HS3ST5: variants seen among roughly 807,000 people sequenced by gnomAD.
HS3ST5 encodes heparan sulfate glucosamine 3-O-sulfotransferase 5.
A neutral mutation model predicts 25.4 loss-of-function variants in HS3ST5; 10 were observed. The ratio of observed to expected loss-of-function variants is 0.39; its 90% CI spans 0.24 to 0.67. The LOEUF is 0.67. HS3ST5 is among the 30% of genes least tolerant of loss of function. The probability of loss-of-function intolerance (pLI) is 0.44; values close to 1 mark genes in which losing one functional copy is unlikely to be tolerated. For missense variants in HS3ST5, 324 were observed against 420.7 expected (o/e 0.77, Z 2.01); for synonymous variants, 170 against 162.4 (o/e 1.05, Z -0.36).
chr6:114,245,544 G>C (rs1161760702), intron 1 of HS3ST5, among the ~76,000 whole-genome samples: 1 of 152,096 alleles, frequency 6.6e-6, no homozygotes, highest in Non-Finnish European at 1.5e-5. Context: ...CCAAGCAGAA[G>C]TGGTTTGGGG....
chr6:114,152,033 C>A (rs1022832986), intron 3 of HS3ST5, among the ~76,000 whole-genome samples: 1 of 152,154 alleles, frequency 6.6e-6, no homozygotes, highest in South Asian at 2.1e-4. Context: ...CGGCTTCAAG[C>A]GATTCTTTTG....
intron 2 of HS3ST5, among the ~76,000 whole-genome samples, chr6:114,187,876 C>T (rs898113439): frequency 6.6e-6 from 1 of 152,110 alleles, no homozygotes; most frequent in Non-Finnish European, 1.5e-5. Context: ...GACCAGTCAG[C>T]CATCATCAAC....
rs749310346 is a variant in HS3ST5, at chr6:114,062,896, T to G, written c.-32-19A>C. On this transcript the variant is annotated intron_variant, in intron 3 of 4. Transcript: ENST00000312719. ...CTGCAGCCTGCGATAGAAGGACTCA[T>G]CAGCAGCCATCTCTTAGAGGCTCTG... The G allele has an allele frequency of 7.1e-7, 1 of 1,403,244 alleles. No homozygotes were observed. The highest frequency in any genetic ancestry group is 1.0e-6 in the Non-Finnish European group (1 of 990,816). The allele number at this position is 1,403,244 out of a possible 1,614,324, so 86.9% of individuals were successfully genotyped here.
Position 114,317,928 on chromosome 6 carries a change from T to C in HS3ST5, c.-339+24267A>G, listed in dbSNP as rs1775807997. On this transcript the variant is annotated intron_variant, in intron 1 of 4. Transcript: ENST00000312719. ...CACATCAACAAGAGAAAATGGGATG[T>C]CCTCCTTAACATCACTGTTAATTCA... 5.9e-5 allele frequency among the ~76,000 whole-genome samples: 9 copies of C among 152,190 alleles called. No homozygotes were observed. The South Asian group carries it at 1.5e-3, about 25-fold the overall frequency.
intron 2 of HS3ST5, among the ~76,000 whole-genome samples, chr6:114,217,716 A>G (rs1781837368): frequency 6.6e-6 from 1 of 152,218 alleles, no homozygotes; most frequent in African/African-American, 2.4e-5. Flanking sequence ...AGACTTAGCA[A>G]ACTGAAGGTG....
chr6:114,304,086 C>T lies in HS3ST5; in HGVS notation c.-339+38109G>A, dbSNP rs6910335. 3.0e-3 allele frequency among the ~76,000 whole-genome samples: 462 copies of T among 152,050 alleles called. 1 individual carries two copies. The highest frequency in any genetic ancestry group is 0.011 in the African/African-American group (442 of 41,470). On this transcript the variant is annotated intron_variant, in intron 1 of 4. Transcript: ENST00000312719. ...GATACAAATGTCTCTGGGAGAAATA[C>T]AAGATGTCAGAAGTATTTCTGACTG...
At position 114,250,147 on chromosome 6, in the gene HS3ST5, A is replaced by G. The variant is rs79076799; in HGVS notation, c.-338-21369T>C. 3.0e-3 allele frequency among the ~76,000 whole-genome samples: 464 copies of G among 152,306 alleles called. 11 individuals carry two copies. In the East Asian group the frequency reaches 0.057, roughly 19 times the overall value. ...TAGAGGGATTAAAAATTTTTTATAA[A>G]CCAATTATCCCATGATGGTGAAATG... On this transcript the variant is annotated intron_variant, in intron 1 of 4. Transcript: ENST00000312719.
chr6:114,106,171 G>A (rs549986849), intron 3 of HS3ST5, among the ~76,000 whole-genome samples: 2 of 152,042 alleles, frequency 1.3e-5, no homozygotes, highest in African/African-American at 4.8e-5. Flanking sequence ...AAGTTTTCAA[G>A]ATAATGAGAT....
chr6:114,080,489 G>A (rs1223806692), intron 3 of HS3ST5, among the ~76,000 whole-genome samples: 1 of 152,194 alleles, frequency 6.6e-6, no homozygotes, highest in Non-Finnish European at 1.5e-5. Flanking sequence ...GTACTCACAT[G>A]TTTATTGCAG....
chr6:114,102,053 G>C lies in HS3ST5; in HGVS notation c.-32-39176C>G, dbSNP rs544018907. ...AAGAGACACTGGGGCCTACTTGAGG[G>C]TGAAGGATGGGAGAAGGGTGAGGAT... On this transcript the variant is annotated intron_variant, in intron 3 of 4. Transcript: ENST00000312719. Among the ~76,000 whole-genome samples the C allele has an allele frequency of 1.1e-4, 17 of 152,254 alleles. No individual in the cohort carries two copies. In the South Asian group the frequency reaches 3.1e-3, roughly 28 times the overall value.
intron 1 of HS3ST5, among the ~76,000 whole-genome samples, chr6:114,255,460 G>A (rs1244182826): frequency 6.6e-6 from 1 of 152,154 alleles, no homozygotes; most frequent in African/African-American, 2.4e-5. Context: ...CTGGGGTCTG[G>A]AGGATGGTGG....
chr6:114,112,924 T>G (rs907019321), intron 3 of HS3ST5, among the ~76,000 whole-genome samples: 13 of 152,232 alleles, frequency 8.5e-5, no homozygotes, highest in African/African-American at 3.1e-4. Context: ...GTAGATGAAC[T>G]GTCCATGAGC....
intron 2 of HS3ST5, among the ~76,000 whole-genome samples, chr6:114,194,647 C>T (rs942346601): frequency 6.6e-6 from 1 of 152,108 alleles, no homozygotes; most frequent in Non-Finnish European, 1.5e-5. Context: ...TGAGGGTTTT[C>T]GTGTCCCCTG....
intron 3 of HS3ST5, among the ~76,000 whole-genome samples, chr6:114,129,663 G>A (rs1582632782): frequency 6.6e-6 from 1 of 152,248 alleles, no homozygotes; most frequent in Non-Finnish European, 1.5e-5. Flanking sequence ...TCTCTGGGGT[G>A]GAGAGAAGAG....
chr6:114,182,161 A>G (rs551925830), intron 2 of HS3ST5, among the ~76,000 whole-genome samples: 11 of 152,288 alleles, frequency 7.2e-5, no homozygotes, highest in Admixed American at 7.2e-4. Flanking sequence ...TATTACTGTT[A>G]GTGTTTCACA....
intron 2 of HS3ST5, among the ~76,000 whole-genome samples, chr6:114,176,837 C>T (rs1211119654): frequency 1.3e-5 from 2 of 152,168 alleles, no homozygotes; most frequent in African/African-American, 2.4e-5. Context: ...TTTTATGTGG[C>T]CTTAGCTTAG....
At chr6:114,309,130 G>C (rs73544410) in intron 1 of HS3ST5, among the ~76,000 whole-genome samples, 5,410 of 152,240 alleles carry the variant, frequency 0.036, 322 homozygotes, top group African/African-American at 0.12. Flanking sequence ...CCTTTAACAA[G>C]TAACCTAGGG....
intron 3 of HS3ST5, among the ~76,000 whole-genome samples, chr6:114,132,800 G>T (rs1254322741): frequency 6.6e-6 from 1 of 152,198 alleles, no homozygotes; most frequent in Non-Finnish European, 1.5e-5. Context: ...GGACCTTGAG[G>T]CTCCTGTCCC....
intron 3 of HS3ST5, among the ~76,000 whole-genome samples, chr6:114,091,480 A>G (rs918928941): frequency 3.9e-5 from 6 of 151,912 alleles, no homozygotes; most frequent in African/African-American, 1.5e-4. Flanking sequence ...GAGCGAGACC[A>G]TCCTGGCTAA....
Sources: allele counts gnomAD v4.1 joint callset (sites outside exome capture counted in the v4.1 genomes callset), GRCh38; gene constraint gnomAD v4.1.1; transcripts MANE v1.5; gene names NCBI Gene and HGNC (gene_info 2026-07-23, HGNC 2026-07-21).